Variants in ABCA4 observed in about 807,000 individuals in gnomAD.
ABCA4 encodes ATP binding cassette subfamily A member 4, also known as retinal-specific phospholipid-transporting ATPase ABCA4.
ABCA4 carries 196 observed loss-of-function variants against 263.7 expected under a neutral mutation model. The ratio of observed to expected loss-of-function variants is 0.74; its 90% CI spans 0.66 to 0.84. ABCA4 has a LOEUF of 0.84. Among genes scored for constraint, ABCA4 ranks in the 40% least tolerant of loss-of-function variants. The probability of loss-of-function intolerance (pLI) is 0.00; values close to 1 mark genes in which losing one functional copy is unlikely to be tolerated. For missense variants in ABCA4, 2,792 were observed against 2,855.1 expected, an observed-to-expected ratio of 0.98 and a Z score of 0.50; for synonymous variants, 1,133 against 1,094.2, an observed-to-expected ratio of 1.04 and a Z score of -0.70.
At chr1:94,030,371 C>A in intron 29 of ABCA4, 57 bp downstream of exon 29, 1 of 1,521,034 alleles carries the variant, frequency 6.6e-7, no homozygotes, top group Non-Finnish European at 9.1e-7. Flanking sequence ...TTGAACCCAC[C>A]GTTGGGTCCT....
At chr1:94,023,264 C>G in intron 32 of ABCA4, 122 bp downstream of exon 32, 1 of 806,764 alleles carries the variant, frequency 1.2e-6, no homozygotes, top group Non-Finnish European at 2.1e-6. Context: ...TGTCTTGTGA[C>G]TTCCTGAGCA....
chr1:94,021,833 T>C lies in ABCA4; in HGVS notation c.4773+13A>G. 6.2e-7 allele frequency: 1 copy of C among 1,613,818 alleles called. No individual in the cohort carries two copies. The highest frequency in any genetic ancestry group is 1.6e-4 in the Middle Eastern group (1 of 6,062). On this transcript the variant is annotated intron_variant, in intron 33 of 49. Transcript: ENST00000370225. The stretch of plus-strand genomic sequence containing the variant: ...TCAAAAATCCTACTCAAATCTCCAG[T>C]CTGTTTACATACCCCGCTCACATTC...
At chr1:94,028,090 A>G (rs994492299) in intron 30 of ABCA4, among the ~76,000 whole-genome samples, 1 of 152,234 alleles carries the variant, frequency 6.6e-6, no homozygotes, top group Non-Finnish European at 1.5e-5. Flanking sequence ...ATATTATGAA[A>G]TAAGCAGTTA....
chr1:94,118,016 A>G (rs1165425255), intron 1 of ABCA4, among the ~76,000 whole-genome samples: 1 of 152,214 alleles, frequency 6.6e-6, no homozygotes, highest in Non-Finnish European at 1.5e-5. Context: ...CAGTGACCAG[A>G]CTATTGGATA....
chr1:94,029,072 G>A (rs1336658652), intron 30 of ABCA4, among the ~76,000 whole-genome samples: 2 of 151,566 alleles, frequency 1.3e-5, no homozygotes, highest in Admixed American at 6.6e-5. Context: ...TTGGGTGGCT[G>A]CAAACCAAAC....
intron 24 of ABCA4, among the ~76,000 whole-genome samples, chr1:94,039,501 T>C (rs571017359): frequency 6.6e-6 from 1 of 152,304 alleles, no homozygotes; most frequent in East Asian, 1.9e-4. Context: ...TGCAGCTCCT[T>C]GGAGATGGGG....
chr1:94,011,434 C>A (rs761630764), intron 38 of ABCA4, 49 bp from the exon 39 acceptor site: 123 of 1,605,312 alleles, frequency 7.7e-5, no homozygotes, highest in Non-Finnish European at 7.7e-5. Context: ...CCCCACCCCC[C>A]CTCTCTTCAG....
intron 30 of ABCA4, 150 bp downstream of exon 30, chr1:94,029,295 C>CT: frequency 2.6e-6 from 2 of 781,856 alleles, no homozygotes; most frequent in South Asian, 2.2e-5. Context: ...TGGGGAGCCC[C>CT]TCCCAGAGGG....
intron 7 of ABCA4, among the ~76,000 whole-genome samples, chr1:94,081,141 C>G (rs1046782555): frequency 6.6e-6 from 1 of 152,102 alleles, no homozygotes; most frequent in Admixed American, 6.6e-5. Flanking sequence ...AGGAGAATGG[C>G]GTGAACCTGG....
chr1:94,045,132 A>G (rs1027541342), intron 19 of ABCA4, among the ~76,000 whole-genome samples: 1 of 152,244 alleles, frequency 6.6e-6, no homozygotes, highest in African/African-American at 2.4e-5. Flanking sequence ...CTCCTGGGTG[A>G]GCAGTCATGG....
At chr1:94,002,026 A>T (rs752940088) in intron 44 of ABCA4, 34 bp from the exon 45 acceptor site, 3 of 1,614,052 alleles carry the variant, frequency 1.9e-6, no homozygotes, top group Non-Finnish European at 2.5e-6. Flanking sequence ...TTTGGAGAAG[A>T]CAAGCAAACA....
intron 18 of ABCA4, among the ~76,000 whole-genome samples, chr1:94,047,738 T>C (rs1302647252): frequency 2.0e-5 from 3 of 152,112 alleles, no homozygotes; most frequent in Non-Finnish European, 4.4e-5. Flanking sequence ...GGTTTTCCAA[T>C]AGGTGGGTAG....
In ABCA4 at chr1:94,111,580, C is replaced by G. The variant is rs1231942062; in HGVS notation, c.161-1G>C. On this transcript the variant is annotated splice_acceptor_variant, in intron 2 of 49. Coordinates refer to ENST00000370225, the MANE Select transcript of ABCA4 (RefSeq NM_000350.3). LOFTEE classifies it high-confidence loss of function. The stretch of plus-strand genomic sequence containing the variant: ...GGCATCGCCTTGTTGGGGAAATGGC[C>G]TTTAAAACAGAAAATGAGGACAAGA... 1 of 1,614,084 alleles carries G rather than the reference C, an allele frequency of 6.2e-7. No individual in the cohort carries two copies. The highest frequency in any genetic ancestry group is 1.3e-5 in the African/African-American group (1 of 74,936).
chr1:94,077,578 A>G (rs1661569489), intron 11 of ABCA4, 112 bp downstream of exon 11: 1 of 999,992 alleles, frequency 1.0e-6, no homozygotes. Flanking sequence ...TTGTTTCTTC[A>G]GTGGGGAAAA....
At chr1:94,049,436 C>T (rs1488611431) in intron 17 of ABCA4, among the ~76,000 whole-genome samples, 1 of 152,040 alleles carries the variant, frequency 6.6e-6, no homozygotes, top group Non-Finnish European at 1.5e-5. Context: ...CCAGTCTGAC[C>T]AACATGGTGA....
chr1:94,111,366 G>A (rs1158474755), intron 3 of ABCA4, 72 bp downstream of exon 3: 4 of 1,568,098 alleles, frequency 2.6e-6, no homozygotes, highest in Admixed American at 1.7e-5. Flanking sequence ...CTCCGTGCAC[G>A]CACGTGTGCA....
rs769908894 is a variant in ABCA4 at position 94,055,234 on chromosome 1, T to C, written c.2464A>G (p.Ser822Gly). 1.9e-6 allele frequency: 3 copies of C among 1,614,070 alleles called. No individual in the cohort carries two copies. In the East Asian group the frequency reaches 6.7e-5, roughly 36 times the overall value. ...TCCGTGGGACTGTTCCCGATGTTGC[T>C]CCACTGCAGCCCCAGGCCTTGCTCT... ...FEEQGLGLQW[S>G]NIGNSPTEGD... The change falls in exon 16 of 50, where the codon AGC becomes GGC. Residue 822 changes from serine to glycine, a missense_variant. By Grantham distance (56) the Ser-to-Gly change is moderately conservative. Coordinates refer to ENST00000370225, the MANE Select transcript of ABCA4 (RefSeq NM_000350.3).
chr1:94,070,194 C>T (rs1557790858), intron 11 of ABCA4, among the ~76,000 whole-genome samples: 1 of 152,238 alleles, frequency 6.6e-6, no homozygotes, highest in African/African-American at 2.4e-5. Flanking sequence ...CCCATTTCAG[C>T]CACACCAGTG....
chr1:94,119,658 TTC>T (rs1478209617), intron 1 of ABCA4, among the ~76,000 whole-genome samples: 2 of 152,146 alleles, frequency 1.3e-5, no homozygotes, highest in African/African-American at 4.8e-5. Flanking sequence ...CTTCCCTTGG[TTC>T]TCTCAGCCCT....
Sources: allele counts gnomAD v4.1 joint callset (sites outside exome capture counted in the v4.1 genomes callset), GRCh38; gene constraint gnomAD v4.1.1; transcripts MANE v1.5; gene names NCBI Gene and HGNC (gene_info 2026-07-23, HGNC 2026-07-21).